Variants in PDE7B observed in about 807,000 individuals in gnomAD.
PDE7B encodes phosphodiesterase 7B.
In PDE7B, 29 loss-of-function variants were observed where a neutral mutation model predicts 56.2. That is an observed-to-expected ratio of 0.52 (90% confidence interval 0.38 to 0.70). The LOEUF is 0.70. Among genes scored for constraint, PDE7B ranks in the 30% least tolerant of loss-of-function variants. The pLI is 0.00. For missense variants in PDE7B, 490 were observed against 565.0 expected (o/e 0.87, Z 1.35); for synonymous variants, 197 against 196.9 (o/e 1.00, Z 0.00).
intron 3 of PDE7B, among the ~76,000 whole-genome samples, chr6:136,130,201 C>T (rs1778093644): frequency 6.6e-6 from 1 of 152,198 alleles, no homozygotes; most frequent in African/African-American, 2.4e-5. Flanking sequence ...TAGAGCGCAA[C>T]TCTCAAGCCC....
At chr6:135,989,572 C>T (rs111886799) in intron 2 of PDE7B, among the ~76,000 whole-genome samples, 1,889 of 152,146 alleles carry the variant, frequency 0.012, 46 homozygotes, top group African/African-American at 0.042. Flanking sequence ...TGAGATGGTG[C>T]CATTGCACTC....
intron 2 of PDE7B, among the ~76,000 whole-genome samples, chr6:136,019,461 T>C (rs950958575): frequency 6.6e-6 from 1 of 152,222 alleles, no homozygotes. Context: ...ACTGTAAATA[T>C]GCAAGCCACA....
intron 2 of PDE7B, among the ~76,000 whole-genome samples, chr6:135,988,790 G>A (rs928620406): frequency 1.3e-4 from 20 of 152,120 alleles, no homozygotes; most frequent in African/African-American, 3.4e-4. Flanking sequence ...CTGTTGCTTT[G>A]TTTTGTTTAG....
intron 1 of PDE7B, among the ~76,000 whole-genome samples, chr6:135,924,996 G>GT (rs5880270): frequency 0.23 from 31,236 of 133,626 alleles, 4,666 homozygotes; most frequent in African/African-American, 0.44. Context: ...ATATTTGGGT[G>GT]TTTTTTTTTT....
At chr6:136,108,390 A>G (rs896279155) in intron 2 of PDE7B, among the ~76,000 whole-genome samples, 3 of 152,142 alleles carry the variant, frequency 2.0e-5, no homozygotes, top group African/African-American at 7.2e-5. Flanking sequence ...GAAAGCTACA[A>G]TGCAACACCC....
chr6:136,080,688 T>C (rs1043594781), intron 2 of PDE7B, among the ~76,000 whole-genome samples: 5 of 152,196 alleles, frequency 3.3e-5, no homozygotes, highest in African/African-American at 1.2e-4. Flanking sequence ...GAACTACTGG[T>C]TTTATTTTCA....
intron 1 of PDE7B, among the ~76,000 whole-genome samples, chr6:135,853,116 T>C (rs1034572967): frequency 1.3e-5 from 2 of 152,216 alleles, no homozygotes; most frequent in Admixed American, 6.5e-5. Context: ...CTCAAAGTTA[T>C]GCAATAGCAA....
At chr6:135,914,418 C>T (rs939434063) in intron 1 of PDE7B, among the ~76,000 whole-genome samples, 2 of 150,740 alleles carry the variant, frequency 1.3e-5, no homozygotes, top group African/African-American at 4.9e-5. Flanking sequence ...TATAGATCTG[C>T]CTTCCCAAGT....
chr6:135,857,854 A>G (rs1055208122), intron 1 of PDE7B, among the ~76,000 whole-genome samples: 6 of 152,190 alleles, frequency 3.9e-5, no homozygotes, highest in African/African-American at 1.4e-4. Context: ...ACAGTGGTAT[A>G]AATACATAGA....
chr6:135,888,130 C>T (rs756862581), intron 1 of PDE7B, among the ~76,000 whole-genome samples: 7 of 152,094 alleles, frequency 4.6e-5, no homozygotes, highest in Non-Finnish European at 1.0e-4. Flanking sequence ...TATTATCCCA[C>T]GTAATTGCTA....
At chr6:136,130,155 A>G (rs1778092693) in intron 3 of PDE7B, among the ~76,000 whole-genome samples, 1 of 152,172 alleles carries the variant, frequency 6.6e-6, no homozygotes, top group Non-Finnish European at 1.5e-5. Context: ...AAGGGTGTGC[A>G]GGACCCAGTC....
intron 1 of PDE7B, among the ~76,000 whole-genome samples, chr6:135,859,363 G>C (rs1314812063): frequency 6.6e-6 from 1 of 152,092 alleles, no homozygotes; most frequent in Admixed American, 6.6e-5. Context: ...ATTCGGAAAA[G>C]TGTAGGTATT....
At chr6:135,918,398 G>A (rs1332438167) in intron 1 of PDE7B, among the ~76,000 whole-genome samples, 1 of 152,102 alleles carries the variant, frequency 6.6e-6, no homozygotes, top group Non-Finnish European at 1.5e-5. Context: ...TGTCATGGCT[G>A]GGAATGGCAG....
chr6:136,006,131 C>A (rs9689290), intron 2 of PDE7B, among the ~76,000 whole-genome samples: 12,488 of 145,612 alleles, frequency 0.086, 871 homozygotes, highest in African/African-American at 0.2. Context: ...TGCATGTTCT[C>A]ACTCATAGGT....
intron 1 of PDE7B, among the ~76,000 whole-genome samples, chr6:135,944,754 C>T (rs1774564944): frequency 6.6e-6 from 1 of 152,180 alleles, no homozygotes; most frequent in Non-Finnish European, 1.5e-5. Flanking sequence ...CCCATATTCA[C>T]ACCAATGTGC....
At chr6:136,108,459 T>C (rs1777690231) in intron 2 of PDE7B, among the ~76,000 whole-genome samples, 1 of 152,098 alleles carries the variant, frequency 6.6e-6, no homozygotes. Context: ...ATAAAAAGAC[T>C]TTTGTCTTTT....
chr6:136,010,411 G>C (rs910480046), intron 2 of PDE7B, among the ~76,000 whole-genome samples: 1 of 119,238 alleles, frequency 8.4e-6, no homozygotes, highest in African/African-American at 3.6e-5. Flanking sequence ...TTTTTTTTTG[G>C]TTTTGTTTTT....
At chr6:136,001,398 C>T (rs1206829370) in intron 2 of PDE7B, among the ~76,000 whole-genome samples, 1 of 152,190 alleles carries the variant, frequency 6.6e-6, no homozygotes, top group Non-Finnish European at 1.5e-5. Flanking sequence ...GATCAAACTA[C>T]TCCGGGCTAC....
intron 2 of PDE7B, among the ~76,000 whole-genome samples, chr6:135,985,658 G>T (rs547962530): frequency 1.3e-5 from 2 of 152,280 alleles, no homozygotes; most frequent in South Asian, 4.2e-4. Flanking sequence ...AGTTTGGAAT[G>T]CCCAAAAGTA....
Sources: allele counts gnomAD v4.1 joint callset (sites outside exome capture counted in the v4.1 genomes callset), GRCh38; gene constraint gnomAD v4.1.1; transcripts MANE v1.5; gene names NCBI Gene and HGNC (gene_info 2026-07-23, HGNC 2026-07-21).